SEMA5A: variants seen among roughly 807,000 people sequenced by gnomAD.
SEMA5A encodes the protein semaphorin 5A, also known as semaphorin-5A.
Under a neutral mutation model 135.5 loss-of-function variants are expected in SEMA5A, and 55 were observed. That is an observed-to-expected ratio of 0.41 (90% CI 0.33 to 0.51). The LOEUF is 0.51. Among genes scored for constraint, SEMA5A ranks in the 20% least tolerant of loss-of-function variants. The pLI is 0.37. For synonymous variants in SEMA5A, 580 were observed against 546.5 expected (o/e 1.06, Z -0.85); for missense variants, 1,290 against 1,419.9 (o/e 0.91, Z 1.47).
chr5:9,219,245 G>T (rs1007822142), intron 8 of SEMA5A, among the ~76,000 whole-genome samples: 5 of 152,242 alleles, frequency 3.3e-5, no homozygotes, highest in African/African-American at 1.2e-4. Context: ...AACAAGCACA[G>T]AAGTGGAGGA....
At chr5:9,331,808 T>G (rs1753144710) in intron 4 of SEMA5A, among the ~76,000 whole-genome samples, 1 of 152,254 alleles carries the variant, frequency 6.6e-6, no homozygotes, top group East Asian at 1.9e-4. Flanking sequence ...TACAGCAAAT[T>G]CAGCCAGAGC....
intron 12 of SEMA5A, among the ~76,000 whole-genome samples, chr5:9,143,443 A>G (rs1447951345): frequency 1.3e-5 from 2 of 152,214 alleles, no homozygotes; most frequent in Non-Finnish European, 2.9e-5. Context: ...TGTTTTTTAC[A>G]TTTCATTTTG....
intron 1 of SEMA5A, among the ~76,000 whole-genome samples, chr5:9,471,217 A>C (rs1414779478): frequency 6.6e-6 from 1 of 152,066 alleles, no homozygotes; most frequent in Non-Finnish European, 1.5e-5. Context: ...CGGTAATATG[A>C]GTGTCCTGAG....
At chr5:9,277,348 T>A (rs1367617159) in intron 5 of SEMA5A, among the ~76,000 whole-genome samples, 1 of 152,144 alleles carries the variant, frequency 6.6e-6, no homozygotes, top group East Asian at 1.9e-4. Flanking sequence ...GAAATAGGAA[T>A]GCTTTTACAC....
intron 8 of SEMA5A, among the ~76,000 whole-genome samples, chr5:9,224,380 A>C (rs576881432): frequency 1.6e-4 from 23 of 139,452 alleles, no homozygotes; most frequent in African/African-American, 6.3e-4. Flanking sequence ...AAGCTGTCAA[A>C]TTTTCTAGAC....
chr5:9,070,802 A>C (rs1737732322), intron 16 of SEMA5A, among the ~76,000 whole-genome samples: 1 of 152,222 alleles, frequency 6.6e-6, no homozygotes, highest in East Asian at 1.9e-4. Flanking sequence ...TTGAGGTTTA[A>C]TTATGATACA....
At position 9,289,003 on chromosome 5, in the gene SEMA5A, C is replaced by G. The variant is rs543119911; in HGVS notation, c.270+29369G>C. 5.3e-5 allele frequency among the ~76,000 whole-genome samples: 8 copies of G among 152,260 alleles called. No homozygotes were observed. The East Asian group carries it at 1.5e-3, about 29-fold the overall frequency. ...GTGAATCCTAGCGTAGTGACATTGC[C>G]ATTGATGGTTTAAGCCTATTAGAGA... On this transcript the variant is annotated intron_variant, in intron 5 of 22. Coordinates refer to ENST00000382496, the MANE Select transcript of SEMA5A (RefSeq NM_003966.3).
chr5:9,366,843 G>A (rs929210182), intron 3 of SEMA5A, among the ~76,000 whole-genome samples: 1 of 152,200 alleles, frequency 6.6e-6, no homozygotes, highest in Non-Finnish European at 1.5e-5. Flanking sequence ...AGATATAGTA[G>A]CCCTATGGGC....
intron 1 of SEMA5A, among the ~76,000 whole-genome samples, chr5:9,476,634 G>T (rs944937611): frequency 6.6e-6 from 1 of 151,994 alleles, no homozygotes; most frequent in Non-Finnish European, 1.5e-5. Context: ...ATTGCCTAAC[G>T]CATCTCTCAC....
intron 5 of SEMA5A, among the ~76,000 whole-genome samples, chr5:9,272,965 C>T (rs1387640023): frequency 2.6e-5 from 4 of 152,154 alleles, no homozygotes; most frequent in Non-Finnish European, 5.9e-5. Flanking sequence ...CAAAGGTTCA[C>T]AACTCCTCAC....
intron 3 of SEMA5A, among the ~76,000 whole-genome samples, chr5:9,349,594 C>T (rs1754024097): frequency 6.6e-6 from 1 of 152,054 alleles, no homozygotes; most frequent in African/African-American, 2.4e-5. Flanking sequence ...GTCCCAGTAG[C>T]CATGTTAAAA....
intron 4 of SEMA5A, among the ~76,000 whole-genome samples, chr5:9,321,669 CTA>C (rs1386263647): frequency 1.3e-5 from 2 of 152,154 alleles, no homozygotes; most frequent in Non-Finnish European, 2.9e-5. Context: ...GTGCCAACTT[CTA>C]TGTTAATTTT....
At chr5:9,048,075 G>A (rs1360085703) in intron 21 of SEMA5A, among the ~76,000 whole-genome samples, 1 of 152,094 alleles carries the variant, frequency 6.6e-6, no homozygotes, top group Non-Finnish European at 1.5e-5. Flanking sequence ...CCCTGAGAAT[G>A]GGAACACTTA....
At chr5:9,168,128 G>A (rs915250390) in intron 11 of SEMA5A, among the ~76,000 whole-genome samples, 1 of 151,960 alleles carries the variant, frequency 6.6e-6, no homozygotes, top group African/African-American at 2.4e-5. Flanking sequence ...GAGTGGGGTG[G>A]GGATCTGAAA....
intron 4 of SEMA5A, among the ~76,000 whole-genome samples, chr5:9,328,027 T>G (rs1471508538): frequency 6.6e-6 from 1 of 152,250 alleles, no homozygotes; most frequent in African/African-American, 2.4e-5. Context: ...TCTTCAGTAT[T>G]CATACAAATC....
chr5:9,359,335 A>T (rs16882525), intron 3 of SEMA5A, among the ~76,000 whole-genome samples: 6,430 of 152,306 alleles, frequency 0.042, 430 homozygotes, highest in African/African-American at 0.15. Context: ...TTTTATAAAG[A>T]CTGAATGGCA....
chr5:9,476,050 A>T (rs751053537), intron 1 of SEMA5A, among the ~76,000 whole-genome samples: 1 of 152,232 alleles, frequency 6.6e-6, no homozygotes, highest in Admixed American at 6.5e-5. Context: ...ACCTTTCTTC[A>T]TTCACCCTTC....
At chr5:9,083,319 T>G (rs898216258) in intron 16 of SEMA5A, among the ~76,000 whole-genome samples, 2 of 152,216 alleles carry the variant, frequency 1.3e-5, no homozygotes, top group Non-Finnish European at 2.9e-5. Flanking sequence ...TGTTCTTTTA[T>G]TGGCCAATTT....
intron 4 of SEMA5A, among the ~76,000 whole-genome samples, chr5:9,327,830 C>T (rs545880830): frequency 1.4e-4 from 21 of 152,144 alleles, no homozygotes; most frequent in Non-Finnish European, 2.5e-4. Flanking sequence ...AAATTTAACT[C>T]GCGACTTTTG....
Sources: allele counts gnomAD v4.1 joint callset (sites outside exome capture counted in the v4.1 genomes callset), GRCh38; gene constraint gnomAD v4.1.1; transcripts MANE v1.5; gene names NCBI Gene and HGNC (gene_info 2026-07-23, HGNC 2026-07-21).